The following BEND3 variants were observed in gnomAD, a reference collection of about 807,000 sequenced individuals.
The protein encoded by BEND3 is BEN domain containing 3, also known as BEN domain-containing protein 3.
In BEND3, 13 loss-of-function variants were observed where a neutral mutation model predicts 60.1. The ratio of observed to expected loss-of-function variants is 0.22; its 90% CI spans 0.14 to 0.34. The LOEUF (loss-of-function observed/expected upper bound fraction) is 0.34. Ranked by LOEUF, BEND3 falls within the 10% of genes least tolerant of loss-of-function variation. The pLI is 1.00. For missense variants in BEND3, 896 were observed against 1,138.1 expected, an observed-to-expected ratio of 0.79 and a Z score of 3.06; for synonymous variants, 497 against 491.5, an observed-to-expected ratio of 1.01 and a Z score of -0.15.
At chr6:107,073,460 T>C (rs1228033773) in intron 3 of BEND3, among the ~76,000 whole-genome samples, 1 of 151,494 alleles carries the variant, frequency 6.6e-6, no homozygotes, top group Non-Finnish European at 1.5e-5. Context: ...AACTGCATGA[T>C]GGTTGTGCGA....
intron 3 of BEND3, among the ~76,000 whole-genome samples, chr6:107,074,042 G>A (rs1451668949): frequency 6.6e-6 from 1 of 152,190 alleles, no homozygotes; most frequent in East Asian, 1.9e-4. Context: ...CATGCTACCT[G>A]TCCCACAGGG....
At chr6:107,098,816 T>A in intron 2 of BEND3, 63 bp from the exon 3 acceptor site, 3 of 1,427,242 alleles carry the variant, frequency 2.1e-6, no homozygotes, top group Non-Finnish European at 2.9e-6. Context: ...ATCAGCAGGG[T>A]TCTCTGAGCA....
intron 3 of BEND3, among the ~76,000 whole-genome samples, chr6:107,079,449 A>T (rs1775177268): frequency 6.6e-6 from 1 of 152,158 alleles, no homozygotes; most frequent in Non-Finnish European, 1.5e-5. Flanking sequence ...CTGCCTATAG[A>T]CAGGAGCAAA....
At chr6:107,110,488 G>A (rs1170379646) in intron 1 of BEND3, among the ~76,000 whole-genome samples, 1 of 152,142 alleles carries the variant, frequency 6.6e-6, no homozygotes, top group Non-Finnish European at 1.5e-5. Context: ...TTTGGAGAAG[G>A]AAAGAGACTG....
intron 1 of BEND3, among the ~76,000 whole-genome samples, chr6:107,107,993 A>C (rs977134667): frequency 3.3e-5 from 5 of 152,214 alleles, no homozygotes; most frequent in African/African-American, 1.2e-4. Flanking sequence ...CAAGGGTCTC[A>C]GGACCCAGCC....
intron 1 of BEND3, chr6:107,114,570 G>A (rs1770217550): frequency 6.6e-6 from 1 of 151,120 alleles, no homozygotes; most frequent in Non-Finnish European, 1.5e-5. Context: ...CCCGCCCCCT[G>A]CTCCCGCTCC....
In BEND3 at chr6:107,070,085, AG is replaced by A; in HGVS notation, c.1105del (p.Leu369TrpfsTer171). ...GGCCTCCTCCTGGTCTTTGTTGTCC[AG>A]GAAGTGGCCGGGGTCCACCTGCTCT... ...EAEQVDPGHF[L>X]DNKDQEEALS... On this transcript the variant is annotated frameshift_variant, in exon 4 of 4. Transcript: ENST00000369042. LOFTEE classifies it high-confidence loss of function. This position sits in a 1 kb window ranked among gnomAD's most constrained non-coding sequence, Gnocchi z 6.9. The A allele has an allele frequency of 6.2e-7, 1 of 1,613,578 alleles. No individual in the cohort carries two copies. Among genetic ancestry groups the A allele is most frequent in the Non-Finnish European group, 8.5e-7 (1 of 1,180,034 alleles).
intron 1 of BEND3, among the ~76,000 whole-genome samples, chr6:107,101,184 AGAGT>A (rs1775694959): frequency 6.6e-6 from 1 of 152,212 alleles, no homozygotes; most frequent in Non-Finnish European, 1.5e-5. Context: ...CCTGGGTGAC[AGAGT>A]GAGACTCTGT....
chr6:107,074,616 C>A (rs576066861), intron 3 of BEND3, among the ~76,000 whole-genome samples: 2 of 152,080 alleles, frequency 1.3e-5, no homozygotes, highest in South Asian at 2.1e-4. Context: ...GTCTGTTTGT[C>A]CTAAAGGCTG....
Position 107,070,164 on chromosome 6 carries a change from G to A in BEND3, c.1027C>T (p.Arg343Trp), listed in dbSNP as rs1554231724. ...NDFFSRFWAQ[R>W]EMEDSQPSGQ... ...CTGGGCTGGCTGTCCTCCATTTCCCGCTGGGCCCAGAAGCGGCTGAAGAAG... is the reference window on the plus strand; with the variant it reads ...CTGGGCTGGCTGTCCTCCATTTCCCACTGGGCCCAGAAGCGGCTGAAGAAG... The change falls in exon 4 of 4, where the codon CGG becomes TGG. Residue 343 changes from arginine (R) to tryptophan (W), a missense_variant. Physicochemically the swap from Arg to Trp is moderately radical, Grantham distance 101. Transcript: ENST00000369042. The surrounding 1 kb of genome is among the most constrained non-coding windows in gnomAD (Gnocchi z 6.9). 1.2e-6 allele frequency: 2 copies of A among 1,612,930 alleles called. No individual in the cohort carries two copies. Among genetic ancestry groups the A allele is most frequent in the East Asian group, 2.2e-5 (1 of 44,882 alleles).
intron 3 of BEND3, among the ~76,000 whole-genome samples, chr6:107,086,014 C>G (rs1171866213): frequency 1.3e-5 from 2 of 151,846 alleles, no homozygotes; most frequent in African/African-American, 4.8e-5. Context: ...GTCTCGATCT[C>G]CTGACCTCGT....
rs560071932 is a variant in BEND3 at position 107,091,002 on chromosome 6, CAGT to C, written c.240+7546_240+7548del. On this transcript the variant is annotated intron_variant, in intron 3 of 3. Coordinates refer to ENST00000369042, the MANE Select transcript of BEND3 (RefSeq NM_001367314.1). Reference sequence around the variant, plus strand: ...GTGGGCACCTATAATCCCAGCTACTCAGTAGGCTGAGGCAGGATAATTGCTTGA... The same window carrying C: ...GTGGGCACCTATAATCCCAGCTACTCAGGCTGAGGCAGGATAATTGCTTGA... Among the ~76,000 whole-genome samples the C allele has an allele frequency of 6.3e-4, 95 of 151,648 alleles. No individual in the cohort carries two copies. The Middle Eastern group carries it at 0.027, about 43-fold the overall frequency.
At chr6:107,089,600 AT>A (rs200522983) in intron 3 of BEND3, among the ~76,000 whole-genome samples, 41,488 of 126,454 alleles carry the variant, frequency 0.33, 7,116 homozygotes, top group Non-Finnish European at 0.4. Flanking sequence ...AAAAAAAAGG[AT>A]TTTTTTTTTT....
chr6:107,082,538 G>A (rs1775255702), intron 3 of BEND3, among the ~76,000 whole-genome samples: 1 of 152,092 alleles, frequency 6.6e-6, no homozygotes, highest in Non-Finnish European at 1.5e-5. Context: ...GGGTTCAAGC[G>A]ATTCTCCTGC....
At chr6:107,112,866 A>T (rs2115043569) in intron 1 of BEND3, among the ~76,000 whole-genome samples, 1 of 152,020 alleles carries the variant, frequency 6.6e-6, no homozygotes, top group African/African-American at 2.4e-5. Flanking sequence ...GAAAAAAAAA[A>T]AAAAAAGAAA....
intron 1 of BEND3, among the ~76,000 whole-genome samples, chr6:107,104,238 C>CGAG (rs1186913958): frequency 2.7e-4 from 40 of 149,530 alleles, no homozygotes; most frequent in Non-Finnish European, 4.0e-4. Flanking sequence ...TGCAGTGAGC[C>CGAG]GAGATCGCGC....
At chr6:107,074,587 TGGAA>T (rs1181524883) in intron 3 of BEND3, among the ~76,000 whole-genome samples, 2 of 152,164 alleles carry the variant, frequency 1.3e-5, no homozygotes, top group Non-Finnish European at 2.9e-5. Context: ...AAGTCACTCA[TGGAA>T]GGCACTTCTT....
At chr6:107,103,945 T>C (rs1301995365) in intron 1 of BEND3, among the ~76,000 whole-genome samples, 7 of 91,858 alleles carry the variant, frequency 7.6e-5, no homozygotes, top group African/African-American at 2.7e-4. Context: ...CGAAACTCCG[T>C]CTCAAAAAAA....
chr6:107,094,002 T>A (rs1775529862), intron 3 of BEND3, among the ~76,000 whole-genome samples: 1 of 152,248 alleles, frequency 6.6e-6, no homozygotes, highest in South Asian at 2.1e-4. Context: ...AAAGGACTAT[T>A]AATCAAAATA....
Sources: gnomAD v4.1 joint callset for allele counts (sites outside exome capture counted in the v4.1 genomes callset) on GRCh38, gnomAD v4.1.1 for gene constraint, Gnocchi (gnomAD v3.1) non-coding constraint, MANE v1.5 for transcripts, NCBI Gene and HGNC (gene_info 2026-07-23, HGNC 2026-07-21) for gene names.